The following ZFHX3 variants were observed in gnomAD, a reference collection of about 807,000 sequenced individuals.
The protein encoded by ZFHX3 is zinc finger homeobox protein 3.
ZFHX3 carries 42 observed loss-of-function variants against 279.1 expected under a neutral mutation model. The observed-to-expected ratio is 0.15, with a 90% confidence interval of 0.12 to 0.19. ZFHX3 has a LOEUF of 0.19. Ranked by LOEUF, ZFHX3 falls within the 10% of genes least tolerant of loss-of-function variation. The pLI is 1.00. For synonymous variants in ZFHX3, 2,293 were observed against 1,957.8 expected (o/e 1.17, Z -4.52); for missense variants, 4,981 against 4,754.0 (o/e 1.05, Z -1.40).
intron 5 of ZFHX3, among the ~76,000 whole-genome samples, chr16:72,826,605 C>G (rs1380073914): frequency 6.6e-6 from 1 of 152,138 alleles, no homozygotes; most frequent in African/African-American, 2.4e-5. Flanking sequence ...CTTAATAAAG[C>G]CTGTCATTAC....
At chr16:73,317,983 G>A (rs2015492347) in intron 4 of ZFHX3, among the ~76,000 whole-genome samples, 1 of 152,248 alleles carries the variant, frequency 6.6e-6, no homozygotes, top group South Asian at 2.1e-4. Context: ...TGAAGCAAAA[G>A]CATCCATTTG....
intron 1 of ZFHX3, among the ~76,000 whole-genome samples, chr16:73,033,460 G>C (rs1964782655): frequency 6.6e-6 from 1 of 152,180 alleles, no homozygotes; most frequent in South Asian, 2.1e-4. Context: ...TGGTGTCCCA[G>C]CACAGGGCCT....
At chr16:72,984,797 T>C (rs1284545772) in intron 1 of ZFHX3, among the ~76,000 whole-genome samples, 18 of 152,190 alleles carry the variant, frequency 1.2e-4, no homozygotes, top group Middle Eastern at 6.8e-3. Flanking sequence ...CTCACTATCG[T>C]GTGCAAGCTC....
At chr16:72,875,340 G>T (rs893895572) in intron 4 of ZFHX3, among the ~76,000 whole-genome samples, 1 of 152,262 alleles carries the variant, frequency 6.6e-6, no homozygotes, top group Non-Finnish European at 1.5e-5. Context: ...ACCTGGCTTG[G>T]TTGTGAGCCC....
At chr16:73,338,045 A>G (rs1448646457) in intron 3 of ZFHX3, among the ~76,000 whole-genome samples, 5 of 152,002 alleles carry the variant, frequency 3.3e-5, no homozygotes, top group South Asian at 2.1e-4. Context: ...AAGTTGCTCA[A>G]TCAAAACCCT....
intron 1 of ZFHX3, among the ~76,000 whole-genome samples, chr16:73,703,142 T>A (rs905766722): frequency 6.6e-6 from 1 of 152,186 alleles, no homozygotes; most frequent in Non-Finnish European, 1.5e-5. Context: ...TAAACAGTAA[T>A]GCAGAGGCTG....
intron 3 of ZFHX3, among the ~76,000 whole-genome samples, chr16:73,334,746 TCA>T (rs1257819616): frequency 6.7e-6 from 1 of 148,980 alleles, no homozygotes; most frequent in Non-Finnish European, 1.5e-5. Flanking sequence ...CCTCCTCCTC[TCA>T]GTCCTGTGAT....
At chr16:73,025,516 G>A (rs1964465993) in intron 1 of ZFHX3, among the ~76,000 whole-genome samples, 1 of 152,204 alleles carries the variant, frequency 6.6e-6, no homozygotes, top group Non-Finnish European at 1.5e-5. Context: ...CAATCACACA[G>A]TAATCCAGGG....
intron 1 of ZFHX3, among the ~76,000 whole-genome samples, chr16:73,681,544 G>T (rs1451862967): frequency 6.6e-6 from 1 of 152,192 alleles, no homozygotes; most frequent in Non-Finnish European, 1.5e-5. Flanking sequence ...TCTAGAGCAC[G>T]TTGAGGTTTG....
intron 1 of ZFHX3, among the ~76,000 whole-genome samples, chr16:73,814,877 A>G (rs1412293795): frequency 1.3e-5 from 2 of 152,076 alleles, no homozygotes; most frequent in African/African-American, 4.8e-5. Context: ...CCCACTTCAC[A>G]ACTTCTTAAA....
At chr16:73,162,064 A>C (rs1476930352) in intron 5 of ZFHX3, among the ~76,000 whole-genome samples, 3 of 152,242 alleles carry the variant, frequency 2.0e-5, no homozygotes, top group African/African-American at 7.2e-5. Context: ...CTGAATGGTT[A>C]GCTTAATGAC....
At chr16:73,798,368 C>A (rs758813284) in intron 1 of ZFHX3, among the ~76,000 whole-genome samples, 2 of 151,188 alleles carry the variant, frequency 1.3e-5, no homozygotes, top group Admixed American at 1.3e-4. Flanking sequence ...GAGAAGTTAA[C>A]AAGGTGGGGG....
At chr16:73,064,081 C>T (rs2144747244), upstream of ZFHX3, among the ~76,000 whole-genome samples, 1 of 152,192 alleles carries the variant, frequency 6.6e-6, no homozygotes. Context: ...AGGACGACAG[C>T]TCTTTCGGAA....
rs1352330768 is a variant in ZFHX3 at position 73,416,755 on chromosome 16, TC to T, written c.-1291+39247del. Among the ~76,000 whole-genome samples the T allele has an allele frequency of 3.4e-5, 5 of 146,180 alleles. No individual in the cohort carries two copies. In the South Asian group the frequency reaches 6.7e-4, roughly 20 times the overall value. On this transcript the variant is annotated intron_variant, in intron 3 of 17. Coordinates refer to the ZFHX3 transcript ENST00000641206. ...CGGGTGCGGTGGCGGGCGCCTGTAGTCCCAGCTACCAGGGAGGCTGAAGCAG... is the reference window on the plus strand; with the variant it reads ...CGGGTGCGGTGGCGGGCGCCTGTAGTCCAGCTACCAGGGAGGCTGAAGCAG...
intron 2 of ZFHX3, among the ~76,000 whole-genome samples, chr16:73,533,951 C>T (rs926686232): frequency 3.9e-5 from 6 of 152,144 alleles, no homozygotes; most frequent in African/African-American, 7.2e-5. Context: ...CCTTGATCTG[C>T]CCTTGCTTTC....
At chr16:73,831,175 G>C (rs1237560952) in intron 1 of ZFHX3, among the ~76,000 whole-genome samples, 1 of 152,128 alleles carries the variant, frequency 6.6e-6, no homozygotes, top group Non-Finnish European at 1.5e-5. Flanking sequence ...TGGAGAAATG[G>C]GCCAAATTTT....
In ZFHX3 at chr16:72,912,117, G is replaced by C. The variant is rs914242730; in HGVS notation, c.3217-22155C>G. 5.3e-5 allele frequency among the ~76,000 whole-genome samples: 8 copies of C among 152,210 alleles called. No homozygotes were observed. The East Asian group carries it at 1.3e-3, about 26-fold the overall frequency. On this transcript the variant is annotated intron_variant, in intron 3 of 9. Coordinates refer to ENST00000268489, the MANE Select transcript of ZFHX3 (RefSeq NM_006885.4). ...CAGCAAACATGTGCCATTGCTGCCT[G>C]TACCCAGCATGGCCATGCAGCCCAG...
intron 1 of ZFHX3, among the ~76,000 whole-genome samples, chr16:72,962,613 G>A (rs112221228): frequency 2.6e-5 from 4 of 152,294 alleles, no homozygotes; most frequent in South Asian, 2.1e-4. Context: ...CCAAACAAGC[G>A]TGGTTTGTGG....
Position 72,793,589 on chromosome 16 carries a change from G to C in ZFHX3, c.9093C>G (p.Ile3031Met), listed in dbSNP as rs758237203. ...GPKTECTLCG[I>M]KYSARLSVRD... ...GTACAGACAGCCGAGCGCTGTACTT[G>C]ATGCCACACAAAGTGCACTCTGTTT... is the stretch of plus-strand genomic sequence containing the variant. The change falls in exon 9 of 10, where the codon ATC (isoleucine) becomes ATG (methionine). Residue 3031 changes from isoleucine to methionine, a missense_variant. Around this residue, in one of 7 missense-constraint regions of ZFHX3, gnomAD observed 168 missense variants for 249.1 expected, o/e 0.67. Coordinates refer to ENST00000268489, the MANE Select transcript of ZFHX3 (RefSeq NM_006885.4). The surrounding 1 kb of genome is among the most constrained non-coding windows in gnomAD (Gnocchi z 4.3). 2.2e-5 allele frequency: 36 copies of C among 1,614,078 alleles called. No individual in the cohort carries two copies. The highest frequency in any genetic ancestry group is 3.3e-4 in the Middle Eastern group (2 of 6,084).
Sources: allele counts gnomAD v4.1 joint callset (sites outside exome capture counted in the v4.1 genomes callset), GRCh38; gene constraint gnomAD v4.1.1; regional missense constraint gnomAD v4.1.1; non-coding constraint Gnocchi (gnomAD v3.1); transcripts MANE v1.5; gene names NCBI Gene and HGNC (gene_info 2026-07-23, HGNC 2026-07-21).